MN1: variants seen among roughly 807,000 people sequenced by gnomAD.
MN1 encodes transcriptional activator MN1.
In MN1, 19 loss-of-function variants were observed where a neutral mutation model predicts 86.9. The observed-to-expected ratio is 0.22, with a 90% CI of 0.15 to 0.32. MN1 has a LOEUF of 0.32. Among genes scored for constraint, MN1 ranks in the 10% least tolerant of loss-of-function variants. The pLI is 1.00. For missense variants in MN1, 1,841 were observed against 1,862.0 expected (o/e 0.99, Z 0.21); for synonymous variants, 928 against 849.6 (o/e 1.09, Z -1.60).
chr22:27,789,510 T>G (rs2146311217), intron 1 of MN1, among the ~76,000 whole-genome samples: 1 of 152,246 alleles, frequency 6.6e-6, no homozygotes, highest in African/African-American at 2.4e-5. Flanking sequence ...TCCTATAAAC[T>G]CCAGGGGAAG....
rs755637128 is a variant in MN1, at chr22:27,798,277, G to A, written c.2267C>T (p.Thr756Met). 8.5e-6 allele frequency: 13 copies of A among 1,528,036 alleles called. No individual in the cohort carries two copies. Among genetic ancestry groups the A allele is most frequent in the Non-Finnish European group, 1.1e-5 (13 of 1,148,068 alleles). The allele number at this position is 1,528,036 out of a possible 1,614,324, so 94.7% of individuals were successfully genotyped here. A position where few individuals can be genotyped will look rare whatever the true frequency, so the allele number is the denominator to read the frequency against. The stretch of plus-strand genomic sequence containing the variant: ...GTTCACGCCTGGACCGCTGTGCGGC[G>A]TGGACTGCCGGCCGGCTGCACCAAA... ...FPFGAAGRQS[T>M]PHSGPGVNSP... is the part of the protein sequence containing the mutation. Residue 756 changes from threonine (T) to methionine (M), a missense_variant, in exon 1 of 2, where the codon ACG becomes ATG. By Grantham distance (81) the Thr-to-Met change is moderately conservative. Coordinates refer to ENST00000302326, the MANE Select transcript of MN1 (RefSeq NM_002430.3).
chr22:27,771,219 C>CTTTTTTTTT (rs11330963), intron 1 of MN1, among the ~76,000 whole-genome samples: 1 of 86,642 alleles, frequency 1.2e-5, no homozygotes, highest in South Asian at 4.7e-4. Flanking sequence ...TTTTCCCTAA[C>CTTTTTTTTT]TTTTTTTTTT....
rs1933370058 is a variant in MN1, at chr22:27,798,924, T to TGC, written c.1619_1620insGC (p.Gln541HisfsTer18). 5 of 1,519,814 alleles carry TGC rather than the reference T, an allele frequency of 3.3e-6. No individual in the cohort carries two copies. Among genetic ancestry groups the TGC allele is most frequent in the Non-Finnish European group, 4.5e-6 (5 of 1,122,044 alleles). The allele number at this position is 1,519,814 out of a possible 1,614,324, so 94.1% of individuals were successfully genotyped here. On this transcript the variant is annotated frameshift_variant, in exon 1 of 2. Transcript: ENST00000302326. LOFTEE classifies it high-confidence loss of function. ...GCTGCTGCTGCTGTTGCTGTTGCTG[T>TGC]TGCTGCTGCTGCTGCTGCTGTTGCT...
chr22:27,800,307 G>C lies in MN1; in HGVS notation c.237C>G (p.His79Gln), dbSNP rs761846672. Residue 79 changes from histidine (H) to glutamine (Q), a missense_variant, in exon 1 of 2, where the codon CAC becomes CAG. By Grantham distance (24) the His-to-Gln change is conservative (BLOSUM62 0). Transcript: ENST00000302326. ...GFHARGHSEL[H>Q]AGGLQAQPVH... ...CAGGCTGCGCTTGCAGCCCCCCTGC[G>C]TGCAACTCCGAGTGGCCGCGCGCGT... 6.3e-7 allele frequency: 1 copy of C among 1,577,980 alleles called. No homozygotes were observed. Among genetic ancestry groups the C allele is most frequent in the Non-Finnish European group, 8.6e-7 (1 of 1,161,928 alleles).
Position 27,799,187 on chromosome 22 carries a change from C to T in MN1, c.1357G>A (p.Val453Met), listed in dbSNP as rs368968399. The change falls in exon 1 of 2, where the codon GTG becomes ATG. Residue 453 changes from valine (V) to methionine (M), a missense_variant. By Grantham distance (21) the Val-to-Met change is conservative. Coordinates refer to ENST00000302326, the MANE Select transcript of MN1 (RefSeq NM_002430.3). ...AAGTCGAAGCGCGGCCTCTTGGCCA[C>T]GTTCATGTAGGGGGGCGCGTCGAAA... ...QHFDAPPYMN[V>M]AKRPRFDFPG... 65 of 1,606,628 alleles carry T rather than the reference C, an allele frequency of 4.0e-5. No homozygotes were observed. The African/African-American group carries it at 6.8e-4, about 17-fold the overall frequency.
At chr22:27,784,782 T>G (rs550195597) in intron 1 of MN1, among the ~76,000 whole-genome samples, 1 of 152,076 alleles carries the variant, frequency 6.6e-6, no homozygotes, top group Admixed American at 6.6e-5. Context: ...TCAAACACAT[T>G]TAATACATAA....
Position 27,771,552 on chromosome 22 carries a change from A to G in MN1, c.3782-20456T>C, listed in dbSNP as rs112202112. 2.5e-3 allele frequency among the ~76,000 whole-genome samples: 385 copies of G among 152,286 alleles called. 1 individual carries two copies. The highest frequency in any genetic ancestry group is 8.5e-3 in the African/African-American group (354 of 41,548). The stretch of plus-strand genomic sequence containing the variant: ...TTTTTCATTTTTTAATGGTTGAAAA[A>G]AAGTCAAAAGAAGATACTTCATAAC... On this transcript the variant is annotated intron_variant, in intron 1 of 1. Coordinates refer to ENST00000302326, the MANE Select transcript of MN1 (RefSeq NM_002430.3).
intron 1 of MN1, among the ~76,000 whole-genome samples, chr22:27,771,703 A>AT (rs1297547739): frequency 6.6e-6 from 1 of 152,236 alleles, no homozygotes; most frequent in East Asian, 1.9e-4. Flanking sequence ...GGGATAGGTA[A>AT]TTAAGTAGAG....
At chr22:27,761,598 C>T (rs1420507308) in intron 1 of MN1, among the ~76,000 whole-genome samples, 1 of 152,196 alleles carries the variant, frequency 6.6e-6, no homozygotes, top group Non-Finnish European at 1.5e-5. Flanking sequence ...GGAGGCAGCA[C>T]ACGGCAGGGA....
At chr22:27,753,172 A>G (rs5762341) in intron 1 of MN1, among the ~76,000 whole-genome samples, 1 of 152,102 alleles carries the variant, frequency 6.6e-6, no homozygotes, top group African/African-American at 2.4e-5. Context: ...TGCAACTAAC[A>G]TGCCTTTATT....
chr22:27,779,153 T>A (rs1295599189), intron 1 of MN1, among the ~76,000 whole-genome samples: 1 of 152,098 alleles, frequency 6.6e-6, no homozygotes, highest in African/African-American at 2.4e-5. Context: ...ATGAATGCTG[T>A]CTCTGGATGG....
At chr22:27,776,795 G>A (rs1245920138) in intron 1 of MN1, among the ~76,000 whole-genome samples, 1 of 152,300 alleles carries the variant, frequency 6.6e-6, no homozygotes, top group East Asian at 1.9e-4. Flanking sequence ...TGCAGGCCTG[G>A]TCATCTGGGG....
Position 27,800,535 on chromosome 22 carries a change from C to A in MN1, c.9G>T (p.Gly3=), listed in dbSNP as rs768062139. 2.5e-6 allele frequency: 4 copies of A among 1,614,014 alleles called. No homozygotes were observed. The African/African-American group carries it at 5.3e-5, about 22-fold the overall frequency. The change falls in exon 1 of 2, where the codon GGG becomes GGT. Residue 3 remains glycine (G), a synonymous_variant. Coordinates refer to ENST00000302326, the MANE Select transcript of MN1 (RefSeq NM_002430.3). Reference sequence around the variant, plus strand: ...TGACCTGGGGCTCGAATTGGTCCAGCCCAAACATACTTGGCGGGGGGCAGA... The same window carrying A: ...TGACCTGGGGCTCGAATTGGTCCAGACCAAACATACTTGGCGGGGGGCAGA... MF[G]LDQFEPQVNS... is the part of the protein sequence containing the mutation.
Position 27,749,810 on chromosome 22 carries a change from G to C in MN1, c.*1105C>G. On this transcript the variant is annotated 3_prime_UTR_variant, in exon 2 of 2. Coordinates refer to ENST00000302326, the MANE Select transcript of MN1 (RefSeq NM_002430.3). ...GCAAGAGGGTGCCTCATCCCTCCCA[G>C]GGGTGGGGTTGCCCAGGCTGGACTG... is the stretch of plus-strand genomic sequence containing the variant. The C allele has an allele frequency of 4.3e-6, 1 of 231,568 alleles. No individual in the cohort carries two copies. Among genetic ancestry groups the C allele is most frequent in the East Asian group, 6.1e-5 (1 of 16,356 alleles). 14.3% of individuals were successfully genotyped at this position (231,568 alleles called of 1,614,324 possible).
intron 1 of MN1, among the ~76,000 whole-genome samples, chr22:27,766,658 G>C (rs576810447): frequency 4.0e-4 from 61 of 152,270 alleles, no homozygotes; most frequent in African/African-American, 1.4e-3. Context: ...ACAGCCCCTT[G>C]TCCCTGTGGT....
rs532776360 is a variant in MN1, at chr22:27,777,716, C to T, written c.3781+19047G>A. 5.2e-4 allele frequency among the ~76,000 whole-genome samples: 79 copies of T among 151,340 alleles called. 2 individuals carry two copies. In the South Asian group the frequency reaches 0.016, roughly 31 times the overall value. On this transcript the variant is annotated intron_variant, in intron 1 of 1. Coordinates refer to ENST00000302326, the MANE Select transcript of MN1 (RefSeq NM_002430.3). ...TCTACTAAAAATACACACACACACA[C>T]ACACAAAATATTAGCTGGGCGTGGT...
At chr22:27,790,658 G>A (rs907886749) in intron 1 of MN1, among the ~76,000 whole-genome samples, 4 of 148,234 alleles carry the variant, frequency 2.7e-5, no homozygotes, top group Non-Finnish European at 4.5e-5. Context: ...GAGAAGCAGC[G>A]TCCGCTTCCC....
At chr22:27,776,141 C>T (rs949049045) in intron 1 of MN1, among the ~76,000 whole-genome samples, 3 of 152,148 alleles carry the variant, frequency 2.0e-5, no homozygotes, top group Admixed American at 6.5e-5. Flanking sequence ...TCCGGAATCA[C>T]CGGGCACCAC....
At chr22:27,784,925 C>G (rs1005330325) in intron 1 of MN1, among the ~76,000 whole-genome samples, 10 of 151,908 alleles carry the variant, frequency 6.6e-5, no homozygotes, top group African/African-American at 2.4e-4. Context: ...AAGGAAGGGA[C>G]AAGATGGTTT....
Sources: gnomAD v4.1 joint callset for allele counts (sites outside exome capture counted in the v4.1 genomes callset) on GRCh38, gnomAD v4.1.1 for gene constraint, MANE v1.5 for transcripts, NCBI Gene and HGNC (gene_info 2026-07-23, HGNC 2026-07-21) for gene names.